The following AR variants were observed in gnomAD, a reference collection of about 807,000 sequenced individuals.
AR encodes dihydrotestosterone receptor.
AR carries 8 observed loss-of-function variants against 53.9 expected under a neutral mutation model. The observed-to-expected ratio is 0.15, with a 90% CI of 0.09 to 0.27. The LOEUF (loss-of-function observed/expected upper bound fraction) is 0.27, where lower values mean the gene tolerates loss of function less well. Ranked by LOEUF, AR falls within the 10% of genes least tolerant of loss-of-function variation. The probability of loss-of-function intolerance (pLI) is 1.00; values close to 1 mark genes in which losing one functional copy is unlikely to be tolerated. For synonymous variants in AR, 359 were observed against 316.4 expected, an observed-to-expected ratio of 1.13 and a Z score of -1.43; for missense variants, 639 against 742.5, an observed-to-expected ratio of 0.86 and a Z score of 1.62.
intron 1 of AR, among the ~76,000 whole-genome samples, chrX:67,604,333 C>T (rs1313893900): frequency 1.9e-5 from 2 of 107,776 alleles, no homozygotes; most frequent in African/African-American, 6.8e-5. Flanking sequence ...TCACCCGTTC[C>T]AAGAGGCCTT....
chrX:67,667,488 G>T (rs1013053100), intron 2 of AR, among the ~76,000 whole-genome samples: 6 of 111,563 alleles, frequency 5.4e-5, no homozygotes, highest in Non-Finnish European at 1.1e-4. Flanking sequence ...ATCAGGTAAT[G>T]TGATTCTTCC....
At position 67,546,171 on chromosome X, in the gene AR, C is replaced by T. The variant is rs138454018; in HGVS notation, c.1025C>T (p.Pro342Leu). The change falls in exon 1 of 8, where the codon CCG (proline) becomes CTG (leucine). Residue 342 changes from proline to leucine, a missense_variant. Pro to Leu is a moderately conservative substitution (Grantham distance 98). Coordinates refer to ENST00000374690, the MANE Select transcript of AR (RefSeq NM_000044.6). Reference sequence around the variant, plus strand: ...GGGAGCTCCGGGACACTTGAACTGCCGTCTACCCTGTCTCTCTACAAGTCC... The same window carrying T: ...GGGAGCTCCGGGACACTTGAACTGCTGTCTACCCTGTCTCTCTACAAGTCC... The part of the protein sequence containing the change: ...AAGSSGTLEL[P>L]STLSLYKSGA... 6.9e-5 allele frequency: 84 copies of T among 1,210,972 alleles called. No individual in the cohort carries two copies. Among genetic ancestry groups the T allele is most frequent in the Non-Finnish European group, 8.9e-5 (80 of 895,413 alleles).
intron 2 of AR, among the ~76,000 whole-genome samples, chrX:67,677,299 A>G (rs770724557): frequency 8.9e-6 from 1 of 112,186 alleles, no homozygotes; most frequent in South Asian, 3.8e-4. Flanking sequence ...CATGTTACAG[A>G]AAGCTTTATT....
intron 1 of AR, among the ~76,000 whole-genome samples, chrX:67,566,375 C>T (rs1410087251): frequency 9.0e-6 from 1 of 111,716 alleles, no homozygotes; most frequent in Non-Finnish European, 1.9e-5. Flanking sequence ...ACGCCATTAG[C>T]AAAATCTCAA....
At chrX:67,576,611 G>A (rs769677366) in intron 1 of AR, among the ~76,000 whole-genome samples, 7 of 111,094 alleles carry the variant, frequency 6.3e-5, no homozygotes, top group Non-Finnish European at 1.3e-4. Flanking sequence ...ACTTATCCAC[G>A]TTTGGATACC....
Position 67,727,737 on chromosome X carries a change from A to G in AR, c.*3896A>G, listed in dbSNP as rs753753952. The G allele has an allele frequency of 1.0e-4, 18 of 171,464 alleles. No individual in the cohort carries two copies. The highest frequency in any genetic ancestry group is 1.9e-4 in the Non-Finnish European group (17 of 89,705). The allele number at this position is 171,464 out of a possible 1,213,427, so 14.1% of individuals were successfully genotyped here. A position where few individuals can be genotyped will look rare whatever the true frequency, so the allele number is the denominator to read the frequency against. On this transcript the variant is annotated 3_prime_UTR_variant, in exon 8 of 8. Coordinates refer to ENST00000374690, the MANE Select transcript of AR (RefSeq NM_000044.6). ...ATGGCCCCTGCATAGCCCTGGAAAAATAAGAGGCTGACTGTCTACGAATTA... is the reference window on the plus strand; with the variant it reads ...ATGGCCCCTGCATAGCCCTGGAAAAGTAAGAGGCTGACTGTCTACGAATTA...
At chrX:67,702,527 A>T (rs1341283125) in intron 3 of AR, among the ~76,000 whole-genome samples, 1 of 111,974 alleles carries the variant, frequency 8.9e-6, no homozygotes, top group Non-Finnish European at 1.9e-5. Context: ...GGCTATGCAT[A>T]TCTCCTTATT....
intron 2 of AR, 67 bp downstream of exon 2, chrX:67,643,474 C>G: frequency 8.9e-7 from 1 of 1,118,965 alleles, no homozygotes; most frequent in Non-Finnish European, 1.2e-6. Flanking sequence ...AGACACTAAC[C>G]TTTCAGGGCC....
chrX:67,583,192 G>A (rs1238218482), intron 1 of AR, among the ~76,000 whole-genome samples: 1 of 112,189 alleles, frequency 8.9e-6, no homozygotes, highest in African/African-American at 3.2e-5. Context: ...GCCTGGGAGA[G>A]TAAGATAACT....
intron 1 of AR, among the ~76,000 whole-genome samples, chrX:67,637,399 T>G (rs986316287): frequency 3.1e-5 from 3 of 96,215 alleles, no homozygotes; most frequent in African/African-American, 1.2e-4. Context: ...CAATGTTCAG[T>G]TCCCACCTAT....
Position 67,665,502 on chromosome X carries a change from C to T in AR, c.1769-20508C>T, listed in dbSNP as rs980802810. On this transcript the variant is annotated intron_variant, in intron 2 of 7. Transcript: ENST00000374690. ...TGAAGAGCTTTCTTTGGGCATTAGACACTTTCCCATAAGGTGGCTGACTCT... is the reference window on the plus strand; with the variant it reads ...TGAAGAGCTTTCTTTGGGCATTAGATACTTTCCCATAAGGTGGCTGACTCT... Among the ~76,000 whole-genome samples, 37 of 112,153 alleles carry T rather than the reference C, an allele frequency of 3.3e-4. 1 individual carries two copies. Among genetic ancestry groups the T allele is most frequent in the Admixed American group, 5.7e-4 (6 of 10,607 alleles).
intron 1 of AR, among the ~76,000 whole-genome samples, chrX:67,548,289 A>G (rs1487837096): frequency 8.9e-6 from 1 of 111,813 alleles, no homozygotes; most frequent in African/African-American, 3.3e-5. Context: ...ACCAGGCTTT[A>G]CATTCCATTA....
rs895115586 is a variant in AR, at chrX:67,632,421, C to T, written c.1617-10835C>T. Among the ~76,000 whole-genome samples the T allele has an allele frequency of 2.7e-5, 3 of 112,215 alleles. No individual in the cohort carries two copies. In the East Asian group the frequency reaches 8.5e-4, roughly 32 times the overall value. ...AATTTTCCAGGTGCCGTCTGTCACC[C>T]CTTTCTTTGACTAGGAATGGGAACT... On this transcript the variant is annotated intron_variant, in intron 1 of 7. Transcript: ENST00000374690.
chrX:67,545,566 C>A lies in AR; in HGVS notation c.420C>A (p.Ala140=), dbSNP rs1255492564. 4.2e-6 allele frequency: 5 copies of A among 1,183,356 alleles called. No individual in the cohort carries two copies. The highest frequency in any genetic ancestry group is 5.7e-6 in the Non-Finnish European group (5 of 881,323). The change falls in exon 1 of 8, where the codon GCC becomes GCA. Residue 140 remains alanine, a synonymous_variant. Coordinates refer to ENST00000374690, the MANE Select transcript of AR (RefSeq NM_000044.6). ...GCVPEPGAAV[A]ASKGLPQQLP... is the part of the protein sequence containing the mutation. ...TCCCAGAGCCTGGAGCCGCCGTGGCCGCCAGCAAGGGGCTGCCGCAGCAGC... is the reference window on the plus strand; with the variant it reads ...TCCCAGAGCCTGGAGCCGCCGTGGCAGCCAGCAAGGGGCTGCCGCAGCAGC...
chrX:67,569,583 C>T (rs1307418118), intron 1 of AR, among the ~76,000 whole-genome samples: 3 of 111,543 alleles, frequency 2.7e-5, no homozygotes, highest in Non-Finnish European at 5.7e-5. Flanking sequence ...GAGTGTCTTG[C>T]TAAGTCAATG....
In AR at chrX:67,547,270, C is replaced by G. The variant is rs760676273; in HGVS notation, c.1616+508C>G. Among the ~76,000 whole-genome samples the G allele has an allele frequency of 7.2e-5, 8 of 111,625 alleles. No individual in the cohort carries two copies. In the South Asian group the frequency reaches 1.9e-3, roughly 27 times the overall value. ...TCCTCCAGAGAGGTAAAGTGAAATT[C>G]TCGGTTAGGGAAAGAAAGTGGTCTC... On this transcript the variant is annotated intron_variant, in intron 1 of 7. Transcript: ENST00000374690.
intron 3 of AR, among the ~76,000 whole-genome samples, chrX:67,702,379 G>A (rs1280473628): frequency 9.0e-6 from 1 of 111,340 alleles, no homozygotes; most frequent in African/African-American, 3.3e-5. Flanking sequence ...GTGGAGCTGT[G>A]TCCAAGAACT....
intron 1 of AR, among the ~76,000 whole-genome samples, chrX:67,592,346 G>A (rs771572980): frequency 8.9e-6 from 1 of 111,850 alleles, no homozygotes; most frequent in East Asian, 2.8e-4. Flanking sequence ...GGATTAATTT[G>A]GGAACAATTA....
chrX:67,689,687 C>T, intron 3 of AR: 1 of 874,895 alleles, frequency 1.1e-6, no homozygotes, highest in Non-Finnish European at 1.4e-6. Flanking sequence ...TGATTCATTC[C>T]TGGCTGCATT....
Sources: allele counts gnomAD v4.1 joint callset (sites outside exome capture counted in the v4.1 genomes callset), GRCh38; gene constraint gnomAD v4.1.1; transcripts MANE v1.5; gene names NCBI Gene and HGNC (gene_info 2026-07-23, HGNC 2026-07-21).